The following NCKAP5 variants were observed in gnomAD, a reference collection of about 807,000 sequenced individuals.
NCKAP5 encodes nck-associated protein 5.
Under a neutral mutation model 167.0 loss-of-function variants are expected in NCKAP5, and 92 were observed. That is an observed-to-expected ratio of 0.55 (90% CI 0.47 to 0.66). The LOEUF (loss-of-function observed/expected upper bound fraction) is 0.66, where lower values mean the gene tolerates loss of function less well. Ranked by LOEUF, NCKAP5 falls within the 30% of genes least tolerant of loss-of-function variation. NCKAP5 has a pLI of 0.00. For missense variants in NCKAP5, 2,378 were observed against 2,315.0 expected (o/e 1.03, Z -0.56); for synonymous variants, 891 against 877.4 (o/e 1.02, Z -0.27).
chr2:133,294,539 T>C (rs1032150322), intron 4 of NCKAP5, among the ~76,000 whole-genome samples: 7 of 152,348 alleles, frequency 4.6e-5, no homozygotes, highest in African/African-American at 1.4e-4. Flanking sequence ...TAATGGCATG[T>C]GGCCTCGCAG....
the NCKAP5 span, among the ~76,000 whole-genome samples, chr2:133,616,760 C>T: frequency 1.3e-5 from 2 of 151,970 alleles, no homozygotes; most frequent in Non-Finnish European, 2.9e-5. Flanking sequence ...TGAAACTATT[C>T]CAATCAATAG....
intron 3 of NCKAP5, among the ~76,000 whole-genome samples, chr2:133,409,297 CTGTCCCTTTAG>C (rs1688631573): frequency 6.6e-6 from 1 of 152,238 alleles, no homozygotes; most frequent in South Asian, 2.1e-4. Context: ...TCCCAGCTCT[CTGTCCCTTTAG>C]TGTCTCACCC....
chr2:133,453,750 G>A (rs1307021973), intron 3 of NCKAP5, among the ~76,000 whole-genome samples: 1 of 151,910 alleles, frequency 6.6e-6, no homozygotes, highest in Non-Finnish European at 1.5e-5. Context: ...AAGGAAGGAA[G>A]GACAAAATAT....
chr2:132,920,364 T>C (rs1332341766), intron 8 of NCKAP5, among the ~76,000 whole-genome samples: 1 of 151,964 alleles, frequency 6.6e-6, no homozygotes, highest in African/African-American at 2.4e-5. Context: ...TTTCACATAC[T>C]AGAAATGTTC....
chr2:132,791,623 CTG>C (rs773533724), intron 12 of NCKAP5, among the ~76,000 whole-genome samples: 6 of 152,184 alleles, frequency 3.9e-5, no homozygotes, highest in Non-Finnish European at 8.8e-5. Context: ...GGTAAGCCAT[CTG>C]TCTTTGTGTC....
intron 5 of NCKAP5, among the ~76,000 whole-genome samples, chr2:133,161,689 G>A (rs1273530202): frequency 6.6e-6 from 1 of 152,236 alleles, no homozygotes; most frequent in Non-Finnish European, 1.5e-5. Flanking sequence ...AATTTCTCAT[G>A]TGAAATTTTC....
chr2:132,965,768 G>C (rs1397822297), intron 7 of NCKAP5, among the ~76,000 whole-genome samples: 3 of 152,054 alleles, frequency 2.0e-5, no homozygotes, highest in Non-Finnish European at 4.4e-5. Flanking sequence ...TTACTGTACT[G>C]AATACTGTAG....
At chr2:132,906,942 C>T (rs750641991) in intron 8 of NCKAP5, among the ~76,000 whole-genome samples, 3 of 152,114 alleles carry the variant, frequency 2.0e-5, no homozygotes, top group South Asian at 2.1e-4. Context: ...TTTCTTGACA[C>T]GTTTTACTTG....
intron 3 of NCKAP5, among the ~76,000 whole-genome samples, chr2:133,345,374 T>C (rs527357094): frequency 6.9e-4 from 105 of 152,314 alleles, no homozygotes; most frequent in African/African-American, 2.4e-3. Flanking sequence ...ATTTTCATCA[T>C]AGTCCTGTTA....
chr2:133,586,377 T>C, the NCKAP5 span, among the ~76,000 whole-genome samples: 4 of 152,106 alleles, frequency 2.6e-5, no homozygotes, highest in African/African-American at 9.7e-5. Context: ...GACGTTGAGA[T>C]TGACCTCCTT....
At chr2:133,550,304 T>C (rs1261468553) in intron 2 of NCKAP5, among the ~76,000 whole-genome samples, 3 of 148,682 alleles carry the variant, frequency 2.0e-5, no homozygotes, top group Non-Finnish European at 3.0e-5. Context: ...AAAAAGAGAA[T>C]TTTAGACCAA....
intron 4 of NCKAP5, among the ~76,000 whole-genome samples, chr2:133,224,974 C>T (rs2086817247): frequency 6.6e-6 from 1 of 152,040 alleles, no homozygotes; most frequent in African/African-American, 2.4e-5. Context: ...CCTTATGTTG[C>T]CACGCTCTCT....
chr2:133,153,332 T>C (rs1246454079), intron 5 of NCKAP5, among the ~76,000 whole-genome samples: 1 of 152,186 alleles, frequency 6.6e-6, no homozygotes, highest in East Asian at 1.9e-4. Flanking sequence ...GTAACAAATG[T>C]ACCATATTAA....
rs143187162 is a variant in NCKAP5 at position 133,445,730 on chromosome 2, G to C, written c.69+71728C>G. 2.0e-3 allele frequency among the ~76,000 whole-genome samples: 299 copies of C among 152,260 alleles called. 1 individual carries two copies. The highest frequency in any genetic ancestry group is 7.0e-3 in the African/African-American group (290 of 41,546). On this transcript the variant is annotated intron_variant, in intron 3 of 19. Coordinates refer to ENST00000409261, the MANE Select transcript of NCKAP5 (RefSeq NM_207363.3). Reference sequence around the variant, plus strand: ...TGGCAGCACAGGGAGAGTAAGGAAGGGGGAGTTCAGGTTGAGGGAGGGGAT... The same window carrying C: ...TGGCAGCACAGGGAGAGTAAGGAAGCGGGAGTTCAGGTTGAGGGAGGGGAT...
At chr2:133,142,349 G>C (rs1453413732) in intron 5 of NCKAP5, among the ~76,000 whole-genome samples, 1 of 152,110 alleles carries the variant, frequency 6.6e-6, no homozygotes, top group South Asian at 2.1e-4. Context: ...AGGCCAGTGT[G>C]GCTACAATTA....
At chr2:133,540,003 AC>A (rs1686090785) in intron 2 of NCKAP5, among the ~76,000 whole-genome samples, 1 of 152,096 alleles carries the variant, frequency 6.6e-6, no homozygotes, top group Non-Finnish European at 1.5e-5. Flanking sequence ...ACACAGTGAA[AC>A]CCCATCTCTA....
intron 6 of NCKAP5, among the ~76,000 whole-genome samples, chr2:133,119,577 A>C (rs1360867965): frequency 6.6e-6 from 1 of 152,204 alleles, no homozygotes; most frequent in African/African-American, 2.4e-5. Flanking sequence ...AAGGTGGTAG[A>C]AATCCCAATA....
At chr2:132,931,376 C>G (rs1696361621) in intron 8 of NCKAP5, 1 of 152,250 alleles carries the variant, frequency 6.6e-6, no homozygotes. Context: ...TACGTCACTT[C>G]CCTTTTTTTT....
chr2:133,031,920 T>G (rs2078893829), intron 6 of NCKAP5, among the ~76,000 whole-genome samples: 1 of 151,894 alleles, frequency 6.6e-6, no homozygotes, highest in Admixed American at 6.6e-5. Flanking sequence ...CATTCCTCAT[T>G]TGTTAACTGA....
Sources: gnomAD v4.1 joint callset for allele counts (sites outside exome capture counted in the v4.1 genomes callset) on GRCh38, gnomAD v4.1.1 for gene constraint, MANE v1.5 for transcripts, NCBI Gene and HGNC (gene_info 2026-07-23, HGNC 2026-07-21) for gene names.